Variants in DCBLD2 observed in about 807,000 individuals in gnomAD.
DCBLD2 encodes discoidin, CUB and LCCL domain-containing protein 2.
Under a neutral mutation model 86.8 loss-of-function variants are expected in DCBLD2, and 54 were observed. The observed-to-expected ratio is 0.62, with a 90% CI of 0.50 to 0.78. The LOEUF is 0.78. Among genes scored for constraint, DCBLD2 ranks in the 30% least tolerant of loss-of-function variants. The pLI, the probability that DCBLD2 is intolerant of heterozygous loss-of-function variation, is 0.00. For missense variants in DCBLD2, 908 were observed against 954.2 expected (o/e 0.95, Z 0.64); for synonymous variants, 354 against 341.3 (o/e 1.04, Z -0.41).
intron 1 of DCBLD2, 167 bp downstream of exon 1, chr3:98,900,955 G>T: frequency 3.2e-6 from 4 of 1,232,976 alleles, no homozygotes; most frequent in Non-Finnish European, 3.3e-6. Flanking sequence ...GGACAGACGG[G>T]CAAGACCTTG....
In DCBLD2 at chr3:98,795,977, T is replaced by C. The variant is rs1941577756; in HGVS notation, c.*3395A>G. On this transcript the variant is annotated 3_prime_UTR_variant, in exon 16 of 16. Coordinates refer to ENST00000326840, the MANE Select transcript of DCBLD2 (RefSeq NM_080927.4). ...TAGAAGAATCTGGCATTTTATAGTA[T>C]AAGGAAAAGCTACAAACCTCAAGGT... 6.6e-6 allele frequency: 1 copy of C among 152,612 alleles called. No homozygotes were observed. The highest frequency in any genetic ancestry group is 2.4e-5 in the African/African-American group (1 of 41,442). 9.5% of individuals were successfully genotyped at this position (152,612 alleles called of 1,614,324 possible). A position where few individuals can be genotyped will look rare whatever the true frequency, so the allele number is the denominator to read the frequency against.
Position 98,812,414 on chromosome 3 carries a change from A to G in DCBLD2, c.1281T>C (p.Arg427=), listed in dbSNP as rs1292721987. The G allele has an allele frequency of 1.9e-6, 3 of 1,613,418 alleles. No homozygotes were observed. The East Asian group carries it at 6.7e-5, about 36-fold the overall frequency. Reference sequence around the variant, plus strand: ...ATTGGGTAGGATTCACTCTAATAAAACGTGCAATAATTGGTGGCAAAAAGT... The same window carrying G: ...ATTGGGTAGGATTCACTCTAATAAAGCGTGCAATAATTGGTGGCAAAAAGT... ...RNNFLPPIIA[R]FIRVNPTQWQ... is the part of the protein sequence containing the mutation. Residue 427 remains arginine (R), a synonymous_variant, in exon 10 of 16, where the codon CGT becomes CGC. Coordinates refer to ENST00000326840, the MANE Select transcript of DCBLD2 (RefSeq NM_080927.4).
intron 4 of DCBLD2, among the ~76,000 whole-genome samples, chr3:98,824,570 T>A (rs915609451): frequency 6.6e-6 from 1 of 152,024 alleles, no homozygotes; most frequent in Non-Finnish European, 1.5e-5. Flanking sequence ...GTAAGATGGC[T>A]CTTGAAAGAT....
chr3:98,824,107 A>G (rs1379094107), intron 4 of DCBLD2, among the ~76,000 whole-genome samples: 1 of 152,160 alleles, frequency 6.6e-6, no homozygotes, highest in Non-Finnish European at 1.5e-5. Context: ...TAGAGAGAAG[A>G]CTGGACAGAC....
In DCBLD2 at chr3:98,819,359, T is replaced by A. The variant is rs768284877; in HGVS notation, c.930A>T (p.Ala310=). ...GGTCAGTCCACTCCAGCACAGATGATGCTGTTATTTGAGGATCCGCGATCA... is the reference window on the plus strand; with the variant it reads ...GGTCAGTCCACTCCAGCACAGATGAAGCTGTTATTTGAGGATCCGCGATCA... ...SGVIADPQIT[A]SSVLEWTDHT... Residue 310 remains alanine, a synonymous_variant, in exon 8 of 16, where the codon GCA becomes GCT. Coordinates refer to ENST00000326840, the MANE Select transcript of DCBLD2 (RefSeq NM_080927.4). 90 of 1,613,670 alleles carry A rather than the reference T, an allele frequency of 5.6e-5. No homozygotes were observed. The highest frequency in any genetic ancestry group is 7.3e-5 in the Non-Finnish European group (86 of 1,179,764).
At chr3:98,859,748 G>C (rs1050449636) in intron 2 of DCBLD2, among the ~76,000 whole-genome samples, 1 of 152,040 alleles carries the variant, frequency 6.6e-6, no homozygotes, top group Non-Finnish European at 1.5e-5. Flanking sequence ...AAAGACCAAA[G>C]GTAGATAAAA....
intron 5 of DCBLD2, 139 bp downstream of exon 5, chr3:98,822,528 AAG>A: frequency 1.6e-6 from 2 of 1,255,838 alleles, no homozygotes; most frequent in Non-Finnish European, 2.2e-6. Context: ...GCAGAAGAAA[AAG>A]AATAAAACAC....
chr3:98,809,583 CTG>C (rs1309966242), intron 12 of DCBLD2, among the ~76,000 whole-genome samples: 48 of 152,112 alleles, frequency 3.2e-4, no homozygotes, highest in Non-Finnish European at 1.5e-5. Flanking sequence ...CCTACTTTCT[CTG>C]TGAAGTTGGA....
chr3:98,882,419 CTTT>C (rs886350011), intron 1 of DCBLD2, among the ~76,000 whole-genome samples: 1 of 148,966 alleles, frequency 6.7e-6, no homozygotes, highest in Middle Eastern at 3.2e-3. Flanking sequence ...AATGGAAGCT[CTTT>C]TTTTTTTAAC....
chr3:98,803,207 GTCC>G (rs1941762784), intron 13 of DCBLD2, among the ~76,000 whole-genome samples: 1 of 152,014 alleles, frequency 6.6e-6, no homozygotes, highest in South Asian at 2.1e-4. Flanking sequence ...ATTTGTTTGC[GTCC>G]TCTTTTATTT....
At position 98,876,385 on chromosome 3, in the gene DCBLD2, G is replaced by A. The variant is rs1291264417; in HGVS notation, c.433+5155C>T. Reference sequence around the variant, plus strand: ...ATAAAAAAAAACTTGACAGAAAAACGGGCAAAAGACAGGAAGAGATAAAAA... The same window carrying A: ...ATAAAAAAAAACTTGACAGAAAAACAGGCAAAAGACAGGAAGAGATAAAAA... On this transcript the variant is annotated intron_variant, in intron 2 of 15. Coordinates refer to ENST00000326840, the MANE Select transcript of DCBLD2 (RefSeq NM_080927.4). 7.3e-4 allele frequency among the ~76,000 whole-genome samples: 25 copies of A among 34,418 alleles called. No individual in the cohort carries two copies. The Admixed American group carries it at 7.7e-3, about 11-fold the overall frequency. 22.6% of individuals were successfully genotyped at this position (34,418 alleles called of 152,430 possible).
intron 1 of DCBLD2, among the ~76,000 whole-genome samples, chr3:98,884,570 C>A (rs1943526377): frequency 6.6e-6 from 1 of 151,974 alleles, no homozygotes; most frequent in African/African-American, 2.4e-5. Flanking sequence ...CATTTTTCCT[C>A]AGAGGAAAAA....
chr3:98,845,126 A>C (rs1406242198), intron 3 of DCBLD2, among the ~76,000 whole-genome samples: 1 of 152,206 alleles, frequency 6.6e-6, no homozygotes, highest in African/African-American at 2.4e-5. Flanking sequence ...TCCTTTCACT[A>C]TCTTTCAAAA....
At chr3:98,858,685 C>T (rs893462526) in intron 2 of DCBLD2, among the ~76,000 whole-genome samples, 3 of 152,030 alleles carry the variant, frequency 2.0e-5, no homozygotes, top group African/African-American at 7.3e-5. Context: ...TGAGGTCAAA[C>T]AACTCAAAAG....
In DCBLD2 at chr3:98,811,203, C is replaced by A; in HGVS notation, c.1567G>T (p.Val523Leu). Residue 523 changes from valine to leucine, a missense_variant, in exon 12 of 16, where the codon GTA becomes TTA. By Grantham distance (32) the Val-to-Leu change is conservative (BLOSUM62 1). Coordinates refer to ENST00000326840, the MANE Select transcript of DCBLD2 (RefSeq NM_080927.4). ...TTCCATGTTTGCATACCTTTGGTTA[C>A]ATTTGGAGTTACGGTAGTATTTCTG... ...DIRNTTVTPN[V>L]TKDVALAAVL... 1 of 1,605,288 alleles carries A rather than the reference C, an allele frequency of 6.2e-7. No homozygotes were observed. The highest frequency in any genetic ancestry group is 8.5e-7 in the Non-Finnish European group (1 of 1,177,286).
At chr3:98,870,632 AAT>A (rs1449026679) in intron 2 of DCBLD2, among the ~76,000 whole-genome samples, 1 of 149,320 alleles carries the variant, frequency 6.7e-6, no homozygotes, top group Non-Finnish European at 1.5e-5. Flanking sequence ...GGGAAAGGGA[AAT>A]GGAAGGAAGA....
chr3:98,841,931 GGC>G lies in DCBLD2; in HGVS notation c.571+7528_571+7529del, dbSNP rs1251782443. ...ATACAAAAAATTAGCCGGGCATGGT[GGC>G]GTGTGCCTGTAGTCCCAGCTACTTG... is the stretch of plus-strand genomic sequence containing the variant. On this transcript the variant is annotated intron_variant, in intron 3 of 15. Transcript: ENST00000326840. Among the ~76,000 whole-genome samples, 3 of 152,136 alleles carry G rather than the reference GGC, an allele frequency of 2.0e-5. No individual in the cohort carries two copies. In the East Asian group the frequency reaches 5.8e-4, roughly 29 times the overall value.
At chr3:98,803,497 A>C (rs1034561752) in intron 13 of DCBLD2, among the ~76,000 whole-genome samples, 13 of 152,080 alleles carry the variant, frequency 8.5e-5, no homozygotes, top group Admixed American at 4.6e-4. Context: ...CAAACAGGGA[A>C]AATTTGACTT....
chr3:98,844,343 T>TTTA (rs10530611), intron 3 of DCBLD2, among the ~76,000 whole-genome samples: 7,419 of 145,876 alleles, frequency 0.051, 188 homozygotes, highest in Middle Eastern at 0.076. Context: ...GTCAGTAGCA[T>TTTA]TTATTATTAT....
Sources: gnomAD v4.1 joint callset for allele counts (sites outside exome capture counted in the v4.1 genomes callset) on GRCh38, gnomAD v4.1.1 for gene constraint, MANE v1.5 for transcripts, NCBI Gene and HGNC (gene_info 2026-07-23, HGNC 2026-07-21) for gene names.